Variants in TRIM6 observed in about 807,000 individuals in gnomAD.
The protein encoded by TRIM6 is tripartite motif-containing protein 6.
TRIM6 carries 43 observed loss-of-function variants against 51.2 expected under a neutral mutation model. The ratio of observed to expected loss-of-function variants is 0.84; its 90% CI spans 0.66 to 1.08. TRIM6 has a LOEUF of 1.08. Ranked by LOEUF, TRIM6 falls within the 50% of genes least tolerant of loss-of-function variation. The probability of loss-of-function intolerance (pLI) is 0.00; values close to 1 mark genes in which losing one functional copy is unlikely to be tolerated. For missense variants in TRIM6, 669 were observed against 619.0 expected, an observed-to-expected ratio of 1.08 and a Z score of -0.86; for synonymous variants, 215 against 232.4, an observed-to-expected ratio of 0.93 and a Z score of 0.68.
Position 5,596,705 on chromosome 11 carries a change from G to T in TRIM6, c.-193G>T. 4.9e-6 allele frequency: 4 copies of T among 811,426 alleles called. No individual in the cohort carries two copies. The highest frequency in any genetic ancestry group is 7.8e-6 in the Non-Finnish European group (4 of 513,802). The allele number at this position is 811,426 out of a possible 1,614,324, so 50.3% of individuals were successfully genotyped here. ...GGGTCCGTCCGTTCAACGGCCAAAG[G>T]CTGGCGGAGGAGGGATCCCCTGCCT... On this transcript the variant is annotated 5_prime_UTR_variant, in exon 1 of 8. Transcript: ENST00000380097.
chr11:5,602,092 G>A (rs1279876741), intron 1 of TRIM6, among the ~76,000 whole-genome samples: 1 of 152,168 alleles, frequency 6.6e-6, no homozygotes, highest in Non-Finnish European at 1.5e-5. Context: ...ATCTCATGGA[G>A]CTTACATTTC....
chr11:5,597,812 C>T (rs1273165792), intron 1 of TRIM6, among the ~76,000 whole-genome samples: 1 of 152,152 alleles, frequency 6.6e-6, no homozygotes, highest in Non-Finnish European at 1.5e-5. Flanking sequence ...TGTCCCCCTC[C>T]CTCTTCTAGC....
At chr11:5,604,804 A>G in intron 3 of TRIM6, 175 bp downstream of exon 3, 1 of 607,050 alleles carries the variant, frequency 1.6e-6, no homozygotes. Context: ...GGAGGTAAAT[A>G]GCAAATATAT....
Position 5,611,634 on chromosome 11 carries a change from A to C in TRIM6, c.*292A>C. 3.2e-6 allele frequency: 1 copy of C among 312,060 alleles called. No homozygotes were observed. Among genetic ancestry groups the C allele is most frequent in the Non-Finnish European group, 5.9e-6 (1 of 168,740 alleles). The allele number at this position is 312,060 out of a possible 1,614,324, so 19.3% of individuals were successfully genotyped here. The stretch of plus-strand genomic sequence containing the variant: ...ATGCCCAACTAATTTTTGTATTTTT[A>C]TAGAGATAGGGTTTCACCGTGTTGG... On this transcript the variant is annotated 3_prime_UTR_variant, in exon 8 of 8. Coordinates refer to ENST00000380097, the MANE Select transcript of TRIM6 (RefSeq NM_001003818.3).
intron 2 of TRIM6, among the ~76,000 whole-genome samples, chr11:5,604,169 TGTGTGTGC>T (rs756040351): frequency 3.0e-5 from 4 of 133,096 alleles, no homozygotes; most frequent in South Asian, 2.6e-4. Context: ...TAATTGTGTG[TGTGTGTGC>T]GTGTGTGTGT....
chr11:5,598,027 G>C (rs572628885), intron 1 of TRIM6, among the ~76,000 whole-genome samples: 57 of 152,302 alleles, frequency 3.7e-4, no homozygotes, highest in South Asian at 2.1e-4. Flanking sequence ...TTTTTCAGGC[G>C]TCTGGTTCTG....
chr11:5,607,088 C>T (rs1848263128), intron 4 of TRIM6, among the ~76,000 whole-genome samples: 1 of 152,000 alleles, frequency 6.6e-6, no homozygotes, highest in African/African-American at 2.4e-5. Context: ...CCTGTAGTCC[C>T]AGCTACTCGG....
At chr11:5,610,063 T>C in intron 5 of TRIM6, 82 bp from the exon 6 acceptor site, 1 of 1,429,890 alleles carries the variant, frequency 7.0e-7, no homozygotes, top group Admixed American at 1.8e-5. Flanking sequence ...AATTCATCAG[T>C]AGGCTTGGGA....
chr11:5,597,345 C>T (rs765181400), intron 1 of TRIM6, among the ~76,000 whole-genome samples: 1 of 152,038 alleles, frequency 6.6e-6, no homozygotes, highest in Non-Finnish European at 1.5e-5. Flanking sequence ...AAACTCCATG[C>T]CTAGCTTTAA....
At chr11:5,604,741 A>G in intron 3 of TRIM6, 112 bp downstream of exon 3, 1 of 1,174,606 alleles carries the variant, frequency 8.5e-7, no homozygotes, top group Non-Finnish European at 1.2e-6. Context: ...TGACTAGAAG[A>G]GCTTCCCTTT....
chr11:5,602,565 G>T (rs1847935765), intron 1 of TRIM6, among the ~76,000 whole-genome samples: 1 of 151,856 alleles, frequency 6.6e-6, no homozygotes, highest in South Asian at 2.1e-4. Context: ...AGAGTAAAGG[G>T]TCATCTTTAC....
Position 5,611,029 on chromosome 11 carries a change from T to G in TRIM6, c.1238T>G (p.Phe413Cys). ...SLGPTFSFNHFAQNHSAYSRY... is the reference protein window; with the variant it reads ...SLGPTFSFNHCAQNHSAYSRY... ...GGACCTACATTCTCTTTCAACCATT[T>G]TGCTCAAAATCACAGTGCTTACTCC... Residue 413 changes from phenylalanine to cysteine, a missense_variant, in exon 8 of 8, where the codon TTT becomes TGT. Physicochemically the swap from Phe to Cys is radical, Grantham distance 205 (BLOSUM62 -2). Transcript: ENST00000380097. 1 of 1,614,222 alleles carries G rather than the reference T, an allele frequency of 6.2e-7. No homozygotes were observed. The highest frequency in any genetic ancestry group is 8.5e-7 in the Non-Finnish European group (1 of 1,180,040).
chr11:5,612,847 A>C lies in TRIM6; in HGVS notation c.*1505A>C, dbSNP rs1057335959. The C allele has an allele frequency of 5.3e-5, 8 of 152,192 alleles. No individual in the cohort carries two copies. The highest frequency in any genetic ancestry group is 1.9e-4 in the African/African-American group (8 of 41,432). 9.4% of individuals were successfully genotyped at this position (152,192 alleles called of 1,614,324 possible). ...AATATATACCAGATTTCAAATACCT[A>C]CTTCAAAAAATAATGTAAAATATCT... On this transcript the variant is annotated 3_prime_UTR_variant, in exon 8 of 8. Transcript: ENST00000380097.
At chr11:5,608,309 G>A in intron 4 of TRIM6, 63 bp from the exon 5 acceptor site, 5 of 1,605,794 alleles carry the variant, frequency 3.1e-6, no homozygotes, top group Non-Finnish European at 4.3e-6. Flanking sequence ...GACATGGAAG[G>A]AGAAATGTGG....
chr11:5,604,782 AG>A, intron 3 of TRIM6, 153 bp downstream of exon 3: 1 of 712,004 alleles, frequency 1.4e-6, no homozygotes, highest in East Asian at 2.9e-5. Flanking sequence ...CCTTCCAAAC[AG>A]GGGGAGGAGA....
In TRIM6 at chr11:5,610,786, C is replaced by A. The variant is rs747094445; in HGVS notation, c.995C>A (p.Thr332Asn). The change falls in exon 8 of 8, where the codon ACC becomes AAC. Residue 332 changes from threonine (T) to asparagine (N), a missense_variant. Thr to Asn is a moderately conservative substitution (Grantham distance 65). Transcript: ENST00000380097. ...TDVQSYWVDVTLNPHTANLNL... is the reference protein window; with the variant it reads ...TDVQSYWVDVNLNPHTANLNL... ...GTACCTTTTCCTACAGTTGACGTGA[C>A]CCTGAATCCACACACAGCTAATTTA... 1 of 1,614,028 alleles carries A rather than the reference C, an allele frequency of 6.2e-7. No individual in the cohort carries two copies. Among genetic ancestry groups the A allele is most frequent in the Non-Finnish European group, 8.5e-7 (1 of 1,179,960 alleles).
Position 5,605,504 on chromosome 11 carries a change from G to T in TRIM6, c.771G>T (p.Ser257=), listed in dbSNP as rs564295328. The T allele has an allele frequency of 6.2e-7, 1 of 1,614,150 alleles. No homozygotes were observed. The highest frequency in any genetic ancestry group is 1.7e-5 in the Admixed American group (1 of 60,034). ...ATGATCTGGTCCACCAGACCCAGTC[G>T]CTGCGAGAGCTCATCTCGGATCTGG... ...AENDLVHQTQ[S]LRELISDLER... Residue 257 remains serine, a synonymous_variant, in exon 4 of 8, where the codon TCG becomes TCT. Coordinates refer to ENST00000380097, the MANE Select transcript of TRIM6 (RefSeq NM_001003818.3).
At chr11:5,610,268 GT>G in intron 6 of TRIM6, 23 bp downstream of exon 6, 1 of 1,613,916 alleles carries the variant, frequency 6.2e-7, no homozygotes, top group Non-Finnish European at 8.5e-7. Context: ...AGGGGAAAGA[GT>G]TTGGATGTGA....
chr11:5,596,731 T>C lies in TRIM6; in HGVS notation c.-167T>C. 1 of 1,064,902 alleles carries C rather than the reference T, an allele frequency of 9.4e-7. No homozygotes were observed. The highest frequency in any genetic ancestry group is 1.4e-6 in the Non-Finnish European group (1 of 726,228). 66.0% of individuals were successfully genotyped at this position (1,064,902 alleles called of 1,614,324 possible). A position where few individuals can be genotyped will look rare whatever the true frequency, so the allele number is the denominator to read the frequency against. The stretch of plus-strand genomic sequence containing the variant: ...CTGGCGGAGGAGGGATCCCCTGCCT[T>C]TCTCGGAACGGAACGGAGCAGAGTC... On this transcript the variant is annotated 5_prime_UTR_variant, in exon 1 of 8. Coordinates refer to ENST00000380097, the MANE Select transcript of TRIM6 (RefSeq NM_001003818.3).
Sources: gnomAD v4.1 joint callset for allele counts (sites outside exome capture counted in the v4.1 genomes callset) on GRCh38, gnomAD v4.1.1 for gene constraint, MANE v1.5 for transcripts, NCBI Gene and HGNC (gene_info 2026-07-23, HGNC 2026-07-21) for gene names.